Variants in IL1F10 observed in about 807,000 individuals in gnomAD.
The protein encoded by IL1F10 is interleukin 1 family member 10, also known as interleukin-1 family member 10.
In IL1F10, 13 loss-of-function variants were observed where a neutral mutation model predicts 13.1. The observed-to-expected ratio is 0.99, with a 90% CI of 0.64 to 1.57. The LOEUF is 1.57. IL1F10 is among the 40% of genes most tolerant of loss of function. The probability of loss-of-function intolerance (pLI) is 0.00; values close to 1 mark genes in which losing one functional copy is unlikely to be tolerated. For synonymous variants in IL1F10, 78 were observed against 68.2 expected (o/e 1.14, Z -0.71); for missense variants, 191 against 184.1 (o/e 1.04, Z -0.22).
intron 1 of IL1F10, among the ~76,000 whole-genome samples, chr2:113,071,358 T>C (rs979071605): frequency 1.3e-5 from 2 of 152,256 alleles, no homozygotes; most frequent in Non-Finnish European, 2.9e-5. Context: ...TTTCAACTTC[T>C]TGCTATTGTA....
At chr2:113,072,458 G>T in intron 1 of IL1F10, 1 of 419,198 alleles carries the variant, frequency 2.4e-6, no homozygotes, top group Non-Finnish European at 4.3e-6. Context: ...CAGAACCAGC[G>T]CAAGCACACA....
chr2:113,072,827 G>A, intron 2 of IL1F10, 57 bp downstream of exon 2: 1 of 1,487,396 alleles, frequency 6.7e-7, no homozygotes, highest in Admixed American at 1.7e-5. Context: ...GTGGGAAGAG[G>A]AAAGGAATGC....
At position 113,072,963 on chromosome 2, in the gene IL1F10, C is replaced by T. The variant is rs191242686; in HGVS notation, c.32+193C>T. Among the ~76,000 whole-genome samples, 155 of 152,336 alleles carry T rather than the reference C, an allele frequency of 1.0e-3. 1 individual carries two copies. The highest frequency in any genetic ancestry group is 3.5e-3 in the African/African-American group (145 of 41,580). On this transcript the variant is annotated intron_variant, in intron 2 of 4. Transcript: ENST00000341010. ...TGCAAGATGCCAGCCAATCTACTGC[C>T]TCATCTCTGTTCCAAAAAGTCTGTA...
At chr2:113,072,562 A>G (rs1375088376) in intron 1 of IL1F10, 149 bp from the exon 2 acceptor site, 9 of 579,788 alleles carry the variant, frequency 1.6e-5, no homozygotes, top group South Asian at 6.3e-5. Context: ...GGGCTGGTGG[A>G]AGCCTTGGTG....
intron 2 of IL1F10, among the ~76,000 whole-genome samples, chr2:113,073,731 G>A (rs948881351): frequency 6.6e-6 from 1 of 152,180 alleles, no homozygotes; most frequent in African/African-American, 2.4e-5. Flanking sequence ...TCCCCTGGAG[G>A]TGGTGGAATT....
chr2:113,070,533 G>C (rs1685817972), intron 1 of IL1F10, among the ~76,000 whole-genome samples: 1 of 152,078 alleles, frequency 6.6e-6, no homozygotes, highest in African/African-American at 2.4e-5. Flanking sequence ...CTAGATCTGG[G>C]CACAGCTACC....
intron 1 of IL1F10, among the ~76,000 whole-genome samples, chr2:113,070,763 C>A (rs140562410): frequency 6.6e-6 from 1 of 152,166 alleles, no homozygotes. Flanking sequence ...CAGGCCCCAC[C>A]CCAGGCCTGA....
chr2:113,069,989 G>T (rs1358979746), intron 1 of IL1F10, among the ~76,000 whole-genome samples: 1 of 152,234 alleles, frequency 6.6e-6, no homozygotes, highest in African/African-American at 2.4e-5. Context: ...ATGAAGGATA[G>T]GACAGGGTGC....
rs28928271 is a variant in IL1F10 at position 113,068,836 on chromosome 2, A to G, written c.-29+820A>G. 1.6e-3 allele frequency among the ~76,000 whole-genome samples: 248 copies of G among 152,362 alleles called. 1 individual carries two copies. Among genetic ancestry groups the G allele is most frequent in the African/African-American group, 5.7e-3 (237 of 41,582 alleles). On this transcript the variant is annotated intron_variant, in intron 1 of 4. Transcript: ENST00000341010. Reference sequence around the variant, plus strand: ...TTTAATAGGAGTTCAGAGTAGAGTTACAATAGTAAGGGAAAGATTCATTAA... The same window carrying G: ...TTTAATAGGAGTTCAGAGTAGAGTTGCAATAGTAAGGGAAAGATTCATTAA...
At chr2:113,074,886 G>A (rs746304021) in intron 4 of IL1F10, 36 bp downstream of exon 4, 1 of 1,598,464 alleles carries the variant, frequency 6.3e-7, no homozygotes, top group East Asian at 2.2e-5. Flanking sequence ...GGACACTGCA[G>A]ACCTGGCCTG....
chr2:113,068,463 C>A (rs1364084849), intron 1 of IL1F10, among the ~76,000 whole-genome samples: 1 of 151,890 alleles, frequency 6.6e-6, no homozygotes, highest in Non-Finnish European at 1.5e-5. Flanking sequence ...GCCCTTTATC[C>A]TTTTTACAAT....
chr2:113,073,211 C>T (rs1685869966), intron 2 of IL1F10, among the ~76,000 whole-genome samples: 1 of 152,224 alleles, frequency 6.6e-6, no homozygotes, highest in Admixed American at 6.5e-5. Context: ...GTGTGGGCTT[C>T]TAACACTTAC....
intron 1 of IL1F10, among the ~76,000 whole-genome samples, chr2:113,069,418 A>G (rs777037652): frequency 1.1e-4 from 16 of 152,252 alleles, no homozygotes; most frequent in Non-Finnish European, 2.1e-4. Flanking sequence ...ACAAAGTTAT[A>G]TTTTAAAGAA....
intron 1 of IL1F10, chr2:113,072,454 C>A (rs1476723700): frequency 2.5e-6 from 1 of 395,188 alleles, no homozygotes; most frequent in African/African-American, 2.1e-5. Flanking sequence ...TTCTCAGAAC[C>A]AGCGCAAGCA....
intron 1 of IL1F10, chr2:113,072,412 G>A (rs999891702): frequency 3.2e-5 from 9 of 281,274 alleles, no homozygotes; most frequent in Non-Finnish European, 5.4e-5. Flanking sequence ...AATTGTTGTG[G>A]CTCAGCTATT....
In IL1F10 at chr2:113,075,459, T is replaced by C; in HGVS notation, c.*95T>C. 2.3e-6 allele frequency: 2 copies of C among 870,560 alleles called. No homozygotes were observed. Among genetic ancestry groups the C allele is most frequent in the Non-Finnish European group, 3.5e-6 (2 of 565,288 alleles). The allele number at this position is 870,560 out of a possible 1,614,324, so 53.9% of individuals were successfully genotyped here. On this transcript the variant is annotated 3_prime_UTR_variant, in exon 5 of 5. Coordinates refer to ENST00000341010, the MANE Select transcript of IL1F10 (RefSeq NM_173161.3). Reference sequence around the variant, plus strand: ...GCAGAATAATGTCCCCCGAAATATGTCCACATCCTAATCCCAAGATCTGTG... The same window carrying C: ...GCAGAATAATGTCCCCCGAAATATGCCCACATCCTAATCCCAAGATCTGTG...
At position 113,075,399 on chromosome 2, in the gene IL1F10, C is replaced by A. The variant is rs763146014; in HGVS notation, c.*35C>A. On this transcript the variant is annotated 3_prime_UTR_variant, in exon 5 of 5. Transcript: ENST00000341010. ...AAACTGCGTTTTAGCCTTGTGCCCC[C>A]AAACCAAGCTCATCCTGCTCAGGGT... The A allele has an allele frequency of 1.0e-5, 15 of 1,478,416 alleles. No homozygotes were observed. Among genetic ancestry groups the A allele is most frequent in the South Asian group, 1.3e-5 (1 of 76,052 alleles). The allele number at this position is 1,478,416 out of a possible 1,614,324, so 91.6% of individuals were successfully genotyped here.
chr2:113,072,836 G>A (rs181198960), intron 2 of IL1F10, 66 bp downstream of exon 2: 1 of 1,421,194 alleles, frequency 7.0e-7, no homozygotes, highest in South Asian at 1.2e-5. Flanking sequence ...GGAAAGGAAT[G>A]CTGAGTCAGA....
At position 113,068,035 on chromosome 2, in the gene IL1F10, A is replaced by G. The variant is rs1025666049; in HGVS notation, c.-29+19A>G. Reference sequence around the variant, plus strand: ...TCTGCAGGTCAGTGATGGACAGGCAATATTCTCTCTCTCTTTTCTTTCTTT... The same window carrying G: ...TCTGCAGGTCAGTGATGGACAGGCAGTATTCTCTCTCTCTTTTCTTTCTTT... On this transcript the variant is annotated intron_variant, in intron 1 of 4. Transcript: ENST00000341010. 2 of 152,210 alleles carry G rather than the reference A, an allele frequency of 1.3e-5. No homozygotes were observed. Among genetic ancestry groups the G allele is most frequent in the African/African-American group, 4.8e-5 (2 of 41,434 alleles). The allele number at this position is 152,210 out of a possible 1,614,324, so 9.4% of individuals were successfully genotyped here.
Sources: allele counts gnomAD v4.1 joint callset (sites outside exome capture counted in the v4.1 genomes callset), GRCh38; gene constraint gnomAD v4.1.1; transcripts MANE v1.5; gene names NCBI Gene and HGNC (gene_info 2026-07-23, HGNC 2026-07-21).